Variants in GATAD2B observed in about 807,000 individuals in gnomAD.
GATAD2B encodes the protein GATA zinc finger domain containing 2B, also known as transcriptional repressor p66-beta.
GATAD2B carries 8 observed loss-of-function variants against 64.3 expected under a neutral mutation model. The observed-to-expected ratio is 0.12, with a 90% CI of 0.07 to 0.22. The LOEUF is 0.22. Ranked by LOEUF, GATAD2B falls within the 10% of genes least tolerant of loss-of-function variation. The pLI is 1.00. For synonymous variants in GATAD2B, 281 were observed against 271.3 expected, an observed-to-expected ratio of 1.04 and a Z score of -0.35; for missense variants, 453 against 752.0, an observed-to-expected ratio of 0.60 and a Z score of 4.65.
chr1:153,910,606 G>A (rs1236014263), intron 1 of GATAD2B, among the ~76,000 whole-genome samples: 8 of 152,048 alleles, frequency 5.3e-5, no homozygotes, highest in Non-Finnish European at 1.2e-4. Flanking sequence ...CAGACGTGGT[G>A]GCGAGCACCT....
intron 1 of GATAD2B, among the ~76,000 whole-genome samples, chr1:153,830,727 G>A (rs1198393971): frequency 2.6e-5 from 4 of 151,596 alleles, no homozygotes; most frequent in South Asian, 2.1e-4. Flanking sequence ...CGCCCGCCTC[G>A]GCCTCCCAAA....
chr1:153,810,373 T>C (rs749292216), intron 10 of GATAD2B, 63 bp from the exon 11 acceptor site: 1 of 1,541,476 alleles, frequency 6.5e-7, no homozygotes, highest in Non-Finnish European at 8.9e-7. Context: ...TCCCTTCCAC[T>C]CTACCCTCGG....
rs574845180 is a variant in GATAD2B at position 153,903,834 on chromosome 1, A to C, written c.-2+18899T>G. Among the ~76,000 whole-genome samples, 6 of 152,220 alleles carry C rather than the reference A, an allele frequency of 3.9e-5. No individual in the cohort carries two copies. In the East Asian group the frequency reaches 1.2e-3, roughly 29 times the overall value. On this transcript the variant is annotated intron_variant, in intron 1 of 10. Coordinates refer to ENST00000368655, the MANE Select transcript of GATAD2B (RefSeq NM_020699.4). The stretch of plus-strand genomic sequence containing the variant: ...CCCCTCTCTACAAAAAATACAAAAA[A>C]TTAGCTAGGTATGGTGGCACGCACA...
intron 1 of GATAD2B, among the ~76,000 whole-genome samples, chr1:153,838,810 A>C (rs780622195): frequency 6.6e-6 from 1 of 152,176 alleles, no homozygotes. Context: ...GATGAAAAGC[A>C]GTATATAAGA....
chr1:153,842,460 T>C (rs534608379), intron 1 of GATAD2B, among the ~76,000 whole-genome samples: 4 of 152,318 alleles, frequency 2.6e-5, no homozygotes, highest in East Asian at 3.9e-4. Flanking sequence ...CTCTCAACCC[T>C]TTCTCGCCCT....
chr1:153,813,678 C>T lies in GATAD2B; in HGVS notation c.1217-226G>A, dbSNP rs1237492882. On this transcript the variant is annotated intron_variant, in intron 7 of 10. Coordinates refer to ENST00000368655, the MANE Select transcript of GATAD2B (RefSeq NM_020699.4). ...CTCATTTACAAATGAGGACAGAAGT[C>T]GAAGAAATGTAGCTTCTGGCTGGGT... Among the ~76,000 whole-genome samples the T allele has an allele frequency of 3.9e-5, 6 of 152,068 alleles. No homozygotes were observed. The East Asian group carries it at 7.7e-4, about 20-fold the overall frequency.
intron 1 of GATAD2B, among the ~76,000 whole-genome samples, chr1:153,908,842 G>A (rs1022317211): frequency 3.3e-5 from 5 of 150,776 alleles, no homozygotes; most frequent in African/African-American, 1.2e-4. Flanking sequence ...TATCCCCAAG[G>A]CTGGAACACA....
intron 1 of GATAD2B, among the ~76,000 whole-genome samples, chr1:153,909,618 G>A (rs979289620): frequency 1.3e-5 from 2 of 151,618 alleles, no homozygotes; most frequent in Non-Finnish European, 2.9e-5. Flanking sequence ...GGCCAACATG[G>A]TGAAACCTGT....
chr1:153,832,545 A>AGCCAAGTCCTGATGTAGAAGCTAAC (rs1675115177), intron 1 of GATAD2B, among the ~76,000 whole-genome samples: 1 of 152,256 alleles, frequency 6.6e-6, no homozygotes, highest in African/African-American at 2.4e-5. Flanking sequence ...GTACAGCAGT[A>AGCCAAGTCCTGATGTAGAAGCTAAC]GCCAAGTCCT....
At chr1:153,845,205 T>A (rs1237040002) in intron 1 of GATAD2B, among the ~76,000 whole-genome samples, 1 of 152,010 alleles carries the variant, frequency 6.6e-6, no homozygotes, top group East Asian at 1.9e-4. Context: ...AAGACAGATA[T>A]GTGATCAATG....
At chr1:153,920,770 T>C (rs1393673665) in intron 1 of GATAD2B, among the ~76,000 whole-genome samples, 2 of 152,214 alleles carry the variant, frequency 1.3e-5, no homozygotes, top group East Asian at 3.8e-4. Flanking sequence ...AGCCTATAGA[T>C]TCAGCCTTCT....
At chr1:153,835,707 A>G (rs1004219983) in intron 1 of GATAD2B, among the ~76,000 whole-genome samples, 2 of 152,124 alleles carry the variant, frequency 1.3e-5, no homozygotes, top group Non-Finnish European at 1.5e-5. Context: ...TAATGTAAAC[A>G]TAACTTTTAT....
At chr1:153,903,984 A>C (rs564655539) in intron 1 of GATAD2B, among the ~76,000 whole-genome samples, 1 of 152,262 alleles carries the variant, frequency 6.6e-6, no homozygotes, top group Non-Finnish European at 1.5e-5. Flanking sequence ...ACCTTGTCTT[A>C]AAAATAAATA....
intron 1 of GATAD2B, among the ~76,000 whole-genome samples, chr1:153,909,705 G>A (rs919899208): frequency 1.3e-5 from 2 of 150,858 alleles, no homozygotes; most frequent in African/African-American, 4.9e-5. Flanking sequence ...GACTGAGGGG[G>A]CGGGGGGGCA....
At chr1:153,905,087 C>T (rs1447954227) in intron 1 of GATAD2B, among the ~76,000 whole-genome samples, 1 of 152,198 alleles carries the variant, frequency 6.6e-6, no homozygotes. Context: ...CTCAGGTGAT[C>T]TGCCTGCCAC....
chr1:153,863,357 G>A (rs374123774), intron 1 of GATAD2B, among the ~76,000 whole-genome samples: 39 of 151,904 alleles, frequency 2.6e-4, no homozygotes, highest in African/African-American at 8.4e-4. Flanking sequence ...TTAGCTGGGC[G>A]TGGTGGTGCA....
intron 1 of GATAD2B, among the ~76,000 whole-genome samples, chr1:153,869,516 T>C (rs1676591619): frequency 6.6e-6 from 1 of 152,198 alleles, no homozygotes; most frequent in Non-Finnish European, 1.5e-5. Flanking sequence ...GATCTGGCCA[T>C]TGAAAGCTCC....
At position 153,884,293 on chromosome 1, in the gene GATAD2B, A is replaced by T. The variant is rs528972275; in HGVS notation, c.-2+38440T>A. Among the ~76,000 whole-genome samples the T allele has an allele frequency of 2.6e-5, 4 of 152,060 alleles. No individual in the cohort carries two copies. In the East Asian group the frequency reaches 7.8e-4, roughly 30 times the overall value. On this transcript the variant is annotated intron_variant, in intron 1 of 10. Transcript: ENST00000368655. ...TCTCTACTAAAAATACAAAAAAATT[A>T]GCCAGGCGTGGTGATGGCGGGTGCC...
intron 1 of GATAD2B, among the ~76,000 whole-genome samples, chr1:153,885,605 T>C (rs1185256989): frequency 1.3e-5 from 2 of 151,650 alleles, no homozygotes; most frequent in Non-Finnish European, 2.9e-5. Flanking sequence ...CGGTGGCTCA[T>C]GCCTGTAATC....
Sources: allele counts gnomAD v4.1 joint callset (sites outside exome capture counted in the v4.1 genomes callset), GRCh38; gene constraint gnomAD v4.1.1; transcripts MANE v1.5; gene names NCBI Gene and HGNC (gene_info 2026-07-23, HGNC 2026-07-21).